The following ABAT variants were observed in gnomAD, a reference collection of about 807,000 sequenced individuals.
ABAT encodes 4-aminobutyrate aminotransferase, mitochondrial.
A neutral mutation model predicts 64.6 loss-of-function variants in ABAT; 45 were observed. The observed-to-expected ratio is 0.70, with a 90% CI of 0.55 to 0.89. The LOEUF (loss-of-function observed/expected upper bound fraction) is 0.89, where lower values mean the gene tolerates loss of function less well. ABAT is among the 40% of genes least tolerant of loss of function. ABAT has a pLI of 0.00. For missense variants in ABAT, 633 were observed against 658.4 expected, an observed-to-expected ratio of 0.96 and a Z score of 0.42; for synonymous variants, 297 against 250.5, an observed-to-expected ratio of 1.19 and a Z score of -1.75.
intron 1 of ABAT, among the ~76,000 whole-genome samples, chr16:8,720,261 A>G (rs747387587): frequency 2.0e-5 from 3 of 152,222 alleles, no homozygotes; most frequent in African/African-American, 4.8e-5. Flanking sequence ...CCCATTTTAC[A>G]GATGCAGAAA....
chr16:8,780,903 C>T, intron 15 of ABAT: 1 of 473,078 alleles, frequency 2.1e-6, no homozygotes, highest in Non-Finnish European at 3.9e-6. Flanking sequence ...TCCGACTCAG[C>T]CTGTGCTTTT....
chr16:8,695,563 C>T (rs771226559), intron 1 of ABAT, among the ~76,000 whole-genome samples: 4 of 152,210 alleles, frequency 2.6e-5, no homozygotes, highest in Non-Finnish European at 5.9e-5. Context: ...AGTCTGCAAA[C>T]TGGCACTACT....
At chr16:8,735,942 T>A in intron 2 of ABAT, 133 bp downstream of exon 2, 12 of 768,616 alleles carry the variant, frequency 1.6e-5, no homozygotes, top group South Asian at 3.0e-5. Context: ...TCCCACTGTA[T>A]TAGTCTGTTC....
chr16:8,719,946 G>A (rs964495793), intron 1 of ABAT, among the ~76,000 whole-genome samples: 1 of 152,164 alleles, frequency 6.6e-6, no homozygotes, highest in African/African-American at 2.4e-5. Flanking sequence ...CAAGTAGCTG[G>A]AACTACAGGC....
At chr16:8,773,599 C>T (rs1272662198) in intron 12 of ABAT, among the ~76,000 whole-genome samples, 1 of 152,192 alleles carries the variant, frequency 6.6e-6, no homozygotes, top group Admixed American at 6.5e-5. Context: ...TTGAACTATG[C>T]AATAAATTAT....
intron 1 of ABAT, among the ~76,000 whole-genome samples, chr16:8,687,454 A>G (rs1048594261): frequency 6.0e-5 from 9 of 149,516 alleles, no homozygotes; most frequent in Admixed American, 4.8e-4. Flanking sequence ...TGAACCAGGG[A>G]GTCGGAGGTT....
intron 1 of ABAT, among the ~76,000 whole-genome samples, chr16:8,718,350 A>G (rs181580329): frequency 3.5e-4 from 53 of 152,342 alleles, no homozygotes; most frequent in Admixed American, 1.3e-3. Context: ...CAGATGTACA[A>G]TTTATCTGTG....
At chr16:8,722,968 G>GCC in intron 1 of ABAT, 2 of 879,834 alleles carry the variant, frequency 2.3e-6, no homozygotes, top group Non-Finnish European at 3.2e-6. Context: ...GCCAGGCAAG[G>GCC]TGGCTCATGC....
chr16:8,763,974 C>T (rs890954069), intron 6 of ABAT, 95 bp from the exon 7 acceptor site: 4 of 1,022,702 alleles, frequency 3.9e-6, no homozygotes, highest in Non-Finnish European at 6.2e-6. Flanking sequence ...CATTTGGAGG[C>T]TATTTGAACA....
At chr16:8,688,651 C>G (rs531872015) in intron 1 of ABAT, among the ~76,000 whole-genome samples, 1 of 152,324 alleles carries the variant, frequency 6.6e-6, no homozygotes, top group African/African-American at 2.4e-5. Flanking sequence ...CAGGGTCTTA[C>G]TATGTTGCCC....
At chr16:8,759,673 C>T (rs969391360) in intron 6 of ABAT, among the ~76,000 whole-genome samples, 2 of 152,068 alleles carry the variant, frequency 1.3e-5, no homozygotes, top group African/African-American at 2.4e-5. Flanking sequence ...CCACCATGCC[C>T]AGCTCATTTT....
intron 1 of ABAT, among the ~76,000 whole-genome samples, chr16:8,691,947 C>T (rs559988442): frequency 1.1e-4 from 17 of 152,340 alleles, no homozygotes; most frequent in African/African-American, 4.1e-4. Flanking sequence ...AACTTCTATA[C>T]CCCTTCCAGT....
At chr16:8,748,266 C>A (rs1329676246) in intron 4 of ABAT, 129 bp downstream of exon 4, 4 of 844,530 alleles carry the variant, frequency 4.7e-6, no homozygotes, top group Non-Finnish European at 7.5e-6. Flanking sequence ...AACATTTTTT[C>A]TCATTTCCTT....
chr16:8,707,781 G>T lies in ABAT; in HGVS notation c.-41-27918G>T, dbSNP rs1024411806. Among the ~76,000 whole-genome samples the T allele has an allele frequency of 2.6e-5, 4 of 152,084 alleles. No individual in the cohort carries two copies. The East Asian group carries it at 7.7e-4, about 29-fold the overall frequency. On this transcript the variant is annotated intron_variant, in intron 1 of 15. Transcript: ENST00000268251. ...TTATTTTGTAGAGACAGTTTCCCAGGCTGGTCTTGAACTCCTCAGCTCAAG... is the reference window on the plus strand; with the variant it reads ...TTATTTTGTAGAGACAGTTTCCCAGTCTGGTCTTGAACTCCTCAGCTCAAG...
intron 15 of ABAT, among the ~76,000 whole-genome samples, 170 bp downstream of exon 15, chr16:8,779,760 ATTTC>A (rs1266524623): frequency 1.3e-5 from 2 of 152,144 alleles, no homozygotes; most frequent in African/African-American, 2.4e-5. Context: ...TACAAATGGG[ATTTC>A]TTTATCCATT....
chr16:8,735,795 G>A lies in ABAT; in HGVS notation c.56G>A (p.Arg19His), dbSNP rs780368959. 64 of 1,603,838 alleles carry A rather than the reference G, an allele frequency of 4.0e-5. No homozygotes were observed. Among genetic ancestry groups the A allele is most frequent in the South Asian group, 3.5e-4 (31 of 89,034 alleles). Residue 19 changes from arginine (R) to histidine (H), a missense_variant, in exon 2 of 16, where the codon CGC (arginine) becomes CAC (histidine). Transcript: ENST00000268251. Reference protein sequence around the residue: ...RLACSFQHSYRLLVPGSRHIS... With the variant: ...RLACSFQHSYHLLVPGSRHIS... Reference sequence around the variant, plus strand: ...GCCTGCAGCTTCCAGCACAGCTACCGCCTGCTGGTGCCTGGTAAGCCCCGG... The same window carrying A: ...GCCTGCAGCTTCCAGCACAGCTACCACCTGCTGGTGCCTGGTAAGCCCCGG...
At chr16:8,721,359 A>C (rs2058366066) in intron 1 of ABAT, among the ~76,000 whole-genome samples, 1 of 151,714 alleles carries the variant, frequency 6.6e-6, no homozygotes, top group African/African-American at 2.4e-5. Context: ...CCCACCGTCC[A>C]CTCTTTATGG....
chr16:8,728,937 G>A (rs2313428), intron 1 of ABAT, among the ~76,000 whole-genome samples: 150,161 of 152,344 alleles, frequency 0.99, 74,048 homozygotes, highest in Middle Eastern at 1. Context: ...CACTTTCTCA[G>A]AAAGTTTCCT....
intron 1 of ABAT, among the ~76,000 whole-genome samples, chr16:8,694,972 G>A (rs963745570): frequency 9.9e-5 from 15 of 152,192 alleles, no homozygotes; most frequent in African/African-American, 2.9e-4. Flanking sequence ...CCCCATTCCC[G>A]ACGTTTCACT....
Sources: gnomAD v4.1 joint callset for allele counts (sites outside exome capture counted in the v4.1 genomes callset) on GRCh38, gnomAD v4.1.1 for gene constraint, MANE v1.5 for transcripts, NCBI Gene and HGNC (gene_info 2026-07-23, HGNC 2026-07-21) for gene names.